NLRP14: variants seen among roughly 807,000 people sequenced by gnomAD.
NLRP14 encodes NLR family pyrin domain containing 14.
A neutral mutation model predicts 94.7 loss-of-function variants in NLRP14; 105 were observed. The observed-to-expected ratio is 1.11, with a 90% CI of 0.95 to 1.30. The LOEUF is 1.30. Ranked by LOEUF, NLRP14 falls within the 50% of genes most tolerant of loss-of-function variation. The probability of loss-of-function intolerance (pLI) is 0.00; values close to 1 mark genes in which losing one functional copy is unlikely to be tolerated. For synonymous variants in NLRP14, 508 were observed against 459.9 expected, an observed-to-expected ratio of 1.10 and a Z score of -1.34; for missense variants, 1,362 against 1,254.1, an observed-to-expected ratio of 1.09 and a Z score of -1.30.
chr11:7,022,610 T>TA (rs1427639309), intron 1 of NLRP14, among the ~76,000 whole-genome samples: 15 of 152,254 alleles, frequency 9.9e-5, no homozygotes, highest in Admixed American at 1.3e-4. Context: ...GCAGAATTCT[T>TA]AAGATGAACA....
intron 1 of NLRP14, among the ~76,000 whole-genome samples, chr11:7,029,190 T>C (rs1454355076): frequency 6.6e-6 from 1 of 152,194 alleles, no homozygotes; most frequent in African/African-American, 2.4e-5. Context: ...CTACCACTTT[T>C]ATTTTACCTT....
In NLRP14 at chr11:7,049,481, T is replaced by TA. The variant is rs944743240; in HGVS notation, c.2124-182dup. On this transcript the variant is annotated intron_variant, in intron 5 of 11. Coordinates refer to ENST00000299481, the MANE Select transcript of NLRP14 (RefSeq NM_176822.4). Reference sequence around the variant, plus strand: ...GTTATCACCTTCTTTTCCGTTAAGGTAAAAAAAACTGGGGAGTGTCAATTA... The same window carrying TA: ...GTTATCACCTTCTTTTCCGTTAAGGTAAAAAAAAACTGGGGAGTGTCAATTA... Among the ~76,000 whole-genome samples, 28 of 152,030 alleles carry TA rather than the reference T, an allele frequency of 1.8e-4. No individual in the cohort carries two copies. In the East Asian group the frequency reaches 2.1e-3, roughly 12 times the overall value.
At chr11:7,023,078 G>C (rs1565008019) in intron 1 of NLRP14, among the ~76,000 whole-genome samples, 1 of 151,836 alleles carries the variant, frequency 6.6e-6, no homozygotes. Context: ...GAGTTGACAA[G>C]ATCAGGAATT....
intron 5 of NLRP14, among the ~76,000 whole-genome samples, chr11:7,047,662 A>G (rs1852375965): frequency 6.6e-6 from 1 of 151,896 alleles, no homozygotes; most frequent in African/African-American, 2.4e-5. Flanking sequence ...ATCATTTTCT[A>G]ATCTCTGTCA....
rs1272542422 is a variant in NLRP14, at chr11:7,020,717, C to A, written c.-75C>A. 3 of 152,334 alleles carry A rather than the reference C, an allele frequency of 2.0e-5. No individual in the cohort carries two copies. Among genetic ancestry groups the A allele is most frequent in the Non-Finnish European group, 4.4e-5 (3 of 68,112 alleles). 9.4% of individuals were successfully genotyped at this position (152,334 alleles called of 1,614,324 possible). ...TTGTCCTCGCTGTCCCGCGCCTTGG[C>A]GGAATGGGCACCTCACTAGCCCTGG... On this transcript the variant is annotated 5_prime_UTR_variant, in exon 1 of 12. Transcript: ENST00000299481.
chr11:7,070,514 C>A (rs912020690), intron 11 of NLRP14, 58 bp downstream of exon 11: 9 of 1,243,684 alleles, frequency 7.2e-6, no homozygotes, highest in Middle Eastern at 1.9e-4. Flanking sequence ...ATTTGGGGAG[C>A]CACTCATTAA....
chr11:7,089,280 G>A, the NLRP14 span: 12 of 1,608,304 alleles, frequency 7.5e-6, no homozygotes, highest in Non-Finnish European at 9.3e-6. Flanking sequence ...CTTCGCGTTC[G>A]TCACCTTTGA....
chr11:7,049,946 C>G (rs2119648454), intron 6 of NLRP14, 108 bp downstream of exon 6: 2 of 936,624 alleles, frequency 2.1e-6, no homozygotes, highest in East Asian at 2.4e-5. Flanking sequence ...CGGCTTAAAT[C>G]TACTTTCATG....
chr11:7,064,035 A>C (rs1852667380), intron 10 of NLRP14, among the ~76,000 whole-genome samples: 1 of 152,018 alleles, frequency 6.6e-6, no homozygotes, highest in Admixed American at 6.6e-5. Flanking sequence ...AGGTCACTCT[A>C]ATTTTGGATT....
intron 3 of NLRP14, among the ~76,000 whole-genome samples, chr11:7,042,128 CA>C (rs1293585713): frequency 6.6e-6 from 1 of 151,600 alleles, no homozygotes; most frequent in Non-Finnish European, 1.5e-5. Context: ...AAAGTGAATC[CA>C]GTTTTTATTT....
chr11:7,089,009 C>G, the NLRP14 span: 2 of 1,300,648 alleles, frequency 1.5e-6, no homozygotes, highest in South Asian at 2.6e-5. Context: ...GACTCGGCGA[C>G]TAGGCGCCGC....
chr11:7,031,169 C>T (rs1198179605), intron 1 of NLRP14, among the ~76,000 whole-genome samples: 2 of 152,206 alleles, frequency 1.3e-5, no homozygotes, highest in Non-Finnish European at 2.9e-5. Context: ...TCCTGTCCTT[C>T]TGAGGCCTGG....
intron 1 of NLRP14, among the ~76,000 whole-genome samples, chr11:7,030,924 G>A (rs973886114): frequency 6.6e-6 from 1 of 152,160 alleles, no homozygotes; most frequent in African/African-American, 2.4e-5. Flanking sequence ...AATCTTCTGC[G>A]GTAAATGAGT....
the NLRP14 span, among the ~76,000 whole-genome samples, chr11:7,078,938 T>C: frequency 6.6e-6 from 1 of 152,230 alleles, no homozygotes; most frequent in Non-Finnish European, 1.5e-5. Context: ...TCCCTGAAGA[T>C]AGCAGGAACA....
chr11:7,047,236 TA>T (rs1852368960), intron 5 of NLRP14, among the ~76,000 whole-genome samples: 5 of 152,196 alleles, frequency 3.3e-5, no homozygotes, highest in Admixed American at 3.3e-4. Context: ...CTGACAAGTG[TA>T]AACATCTTTA....
At chr11:7,032,135 G>A (rs745485448) in intron 1 of NLRP14, among the ~76,000 whole-genome samples, 4 of 152,194 alleles carry the variant, frequency 2.6e-5, no homozygotes, top group Non-Finnish European at 1.5e-5. Flanking sequence ...TTTAAGGAAT[G>A]TATTCTAATG....
At chr11:7,068,062 T>C (rs1217949301) in intron 10 of NLRP14, among the ~76,000 whole-genome samples, 1 of 152,104 alleles carries the variant, frequency 6.6e-6, no homozygotes, top group Non-Finnish European at 1.5e-5. Flanking sequence ...TTAAAACTTA[T>C]TGGCAAGCAT....
chr11:7,088,884 A>G, the NLRP14 span: 1 of 564,552 alleles, frequency 1.8e-6, no homozygotes. Flanking sequence ...AAAGACTGAA[A>G]AGGAGACACA....
the NLRP14 span, among the ~76,000 whole-genome samples, chr11:7,084,649 A>G: frequency 0.97 from 147,686 of 152,310 alleles, 71,759 homozygotes; most frequent in Middle Eastern, 1. Flanking sequence ...CCTACACTCC[A>G]GACCCTTCCA....
Sources: allele counts gnomAD v4.1 joint callset (sites outside exome capture counted in the v4.1 genomes callset), GRCh38; gene constraint gnomAD v4.1.1; transcripts MANE v1.5; gene names NCBI Gene and HGNC (gene_info 2026-07-23, HGNC 2026-07-21).